The following PDE11A variants were observed in gnomAD, a reference collection of about 807,000 sequenced individuals.
PDE11A encodes the protein phosphodiesterase 11A.
PDE11A carries 100 observed loss-of-function variants against 100.5 expected under a neutral mutation model. That is an observed-to-expected ratio of 1.00 (90% CI 0.85 to 1.18). The LOEUF is 1.18. Ranked by LOEUF, PDE11A falls within the 50% of genes most tolerant of loss-of-function variation. The pLI, the probability that PDE11A is intolerant of heterozygous loss-of-function variation, is 0.00. For synonymous variants in PDE11A, 381 were observed against 420.8 expected, an observed-to-expected ratio of 0.91 and a Z score of 1.16; for missense variants, 1,141 against 1,152.6, an observed-to-expected ratio of 0.99 and a Z score of 0.15.
intron 6 of PDE11A, among the ~76,000 whole-genome samples, chr2:177,835,272 G>T (rs2083376105): frequency 6.6e-6 from 1 of 152,148 alleles, no homozygotes; most frequent in Non-Finnish European, 1.5e-5. Context: ...TGTCTTCCTA[G>T]CTGGGTAACC....
chr2:178,014,874 C>A (rs539138799), intron 1 of PDE11A, among the ~76,000 whole-genome samples: 2 of 96,074 alleles, frequency 2.1e-5, no homozygotes, highest in African/African-American at 5.7e-5. Context: ...CCAAAATGAT[C>A]CTGTGAAAAA....
At chr2:177,931,182 C>G (rs1195460131) in intron 2 of PDE11A, among the ~76,000 whole-genome samples, 9 of 152,058 alleles carry the variant, frequency 5.9e-5, no homozygotes, top group African/African-American at 1.9e-4. Context: ...ACAAAACAAA[C>G]AAACAAACAA....
At chr2:177,939,261 G>A (rs138170422) in intron 2 of PDE11A, among the ~76,000 whole-genome samples, 9 of 151,932 alleles carry the variant, frequency 5.9e-5, no homozygotes, top group African/African-American at 2.2e-4. Context: ...ATATCTCCTG[G>A]CAGAGGCATA....
At chr2:177,674,759 A>G (rs1020614938) in intron 17 of PDE11A, among the ~76,000 whole-genome samples, 8 of 152,194 alleles carry the variant, frequency 5.3e-5, no homozygotes, top group Non-Finnish European at 7.3e-5. Context: ...TTATTTATTG[A>G]TATGGAAATG....
At chr2:178,086,575 A>C (rs2087358798) in intron 2 of PDE11A, among the ~76,000 whole-genome samples, 1 of 152,254 alleles carries the variant, frequency 6.6e-6, no homozygotes, top group Non-Finnish European at 1.5e-5. Flanking sequence ...CATGATTTTC[A>C]CATAATACTA....
At chr2:177,932,848 C>T (rs1208180880) in intron 2 of PDE11A, among the ~76,000 whole-genome samples, 2 of 149,684 alleles carry the variant, frequency 1.3e-5, no homozygotes, top group East Asian at 2.0e-4. Flanking sequence ...AAAAAAAAGG[C>T]ATCTGAACAG....
intron 2 of PDE11A, among the ~76,000 whole-genome samples, chr2:177,983,343 C>CTG (rs1450207217): frequency 6.6e-6 from 1 of 152,106 alleles, no homozygotes; most frequent in Non-Finnish European, 1.5e-5. Flanking sequence ...TGAGGACCTG[C>CTG]TGTGTTTGTT....
At chr2:177,631,939 C>T (rs1306573437) in intron 19 of PDE11A, among the ~76,000 whole-genome samples, 1 of 151,946 alleles carries the variant, frequency 6.6e-6, no homozygotes, top group African/African-American at 2.4e-5. Flanking sequence ...AAAACATGTC[C>T]CCCACATGTT....
intron 9 of PDE11A, among the ~76,000 whole-genome samples, chr2:177,776,407 T>C (rs2105511401): frequency 6.6e-6 from 1 of 152,272 alleles, no homozygotes; most frequent in East Asian, 1.9e-4. Context: ...ATACTGTTTC[T>C]CCTTTCACCC....
chr2:177,700,767 A>T (rs924517106), intron 14 of PDE11A, among the ~76,000 whole-genome samples: 1 of 152,158 alleles, frequency 6.6e-6, no homozygotes, highest in Non-Finnish European at 1.5e-5. Context: ...CCAAATGGGA[A>T]TGTTGGGCCG....
chr2:177,817,373 T>C (rs2083057024), intron 8 of PDE11A, among the ~76,000 whole-genome samples: 1 of 152,180 alleles, frequency 6.6e-6, no homozygotes, highest in South Asian at 2.1e-4. Context: ...ATAAAGAAGC[T>C]ATGAGGTATT....
intron 19 of PDE11A, among the ~76,000 whole-genome samples, chr2:177,638,178 T>G (rs1340692324): frequency 6.6e-6 from 1 of 151,658 alleles, no homozygotes; most frequent in African/African-American, 2.4e-5. Context: ...TTTTTGTGTT[T>G]TTAGTAGAGA....
At chr2:177,907,147 T>C (rs1249485151) in intron 2 of PDE11A, among the ~76,000 whole-genome samples, 1 of 151,832 alleles carries the variant, frequency 6.6e-6, no homozygotes, top group African/African-American at 2.4e-5. Flanking sequence ...TTATGTTAAA[T>C]TAAAAAGAAT....
chr2:178,039,670 A>G (rs2086659604), intron 1 of PDE11A, among the ~76,000 whole-genome samples: 1 of 151,922 alleles, frequency 6.6e-6, no homozygotes, highest in Middle Eastern at 3.4e-3. Context: ...AAAAATAAAT[A>G]AATAAAAATA....
At chr2:177,937,696 T>C (rs931425884) in intron 2 of PDE11A, among the ~76,000 whole-genome samples, 1 of 152,170 alleles carries the variant, frequency 6.6e-6, no homozygotes, top group African/African-American at 2.4e-5. Context: ...CTCTTTTCTT[T>C]CCAAAAACCT....
Position 177,723,333 on chromosome 2 carries a change from C to T in PDE11A, c.2043+4325G>A, listed in dbSNP as rs76040244. The T allele has an allele frequency of 1.7e-3, 258 of 152,236 alleles. 1 individual carries two copies. Among genetic ancestry groups the T allele is most frequent in the African/African-American group, 6.0e-3 (249 of 41,546 alleles). 9.4% of individuals were successfully genotyped at this position (152,236 alleles called of 1,614,324 possible). ...AAATATGGATTTAAACACGCTACCT[C>T]CACATTAAGATTTAAGAAGCCCCCA... On this transcript the variant is annotated intron_variant, in intron 12 of 19. Transcript: ENST00000286063.
At position 177,740,092 on chromosome 2, in the gene PDE11A, C is replaced by T. The variant is rs541832598; in HGVS notation, c.1789-11920G>A. ...GACTTCTCTCAGATATTTTATTAGT[C>T]CATTCTGTCTTCAGTTCTGTTAGAC... On this transcript the variant is annotated intron_variant, in intron 10 of 19. Coordinates refer to ENST00000286063, the MANE Select transcript of PDE11A (RefSeq NM_016953.4). Among the ~76,000 whole-genome samples, 3 of 152,292 alleles carry T rather than the reference C, an allele frequency of 2.0e-5. No individual in the cohort carries two copies. The East Asian group carries it at 5.8e-4, about 29-fold the overall frequency.
chr2:177,828,332 T>G (rs1256561572), intron 6 of PDE11A, among the ~76,000 whole-genome samples: 1 of 152,186 alleles, frequency 6.6e-6, no homozygotes, highest in Admixed American at 6.6e-5. Context: ...AGATAATATA[T>G]TTGACAATAT....
At chr2:177,887,093 C>T (rs1324912986) in intron 4 of PDE11A, among the ~76,000 whole-genome samples, 1 of 152,008 alleles carries the variant, frequency 6.6e-6, no homozygotes, top group Non-Finnish European at 1.5e-5. Context: ...ATCTGAGCCA[C>T]CAGAATAAGT....
Sources: allele counts gnomAD v4.1 joint callset (sites outside exome capture counted in the v4.1 genomes callset), GRCh38; gene constraint gnomAD v4.1.1; transcripts MANE v1.5; gene names NCBI Gene and HGNC (gene_info 2026-07-23, HGNC 2026-07-21).